The following CBLB variants were observed in gnomAD, a reference collection of about 807,000 sequenced individuals.
The protein encoded by CBLB is Cbl proto-oncogene B, also known as E3 ubiquitin-protein ligase CBL-B.
A neutral mutation model predicts 104.9 loss-of-function variants in CBLB; 31 were observed. That is an observed-to-expected ratio of 0.30 (90% confidence interval 0.22 to 0.40). The LOEUF (loss-of-function observed/expected upper bound fraction) is 0.40. CBLB is among the 10% of genes least tolerant of loss of function. The pLI, the probability that CBLB is intolerant of heterozygous loss-of-function variation, is 1.00. For synonymous variants in CBLB, 440 were observed against 422.6 expected, an observed-to-expected ratio of 1.04 and a Z score of -0.51; for missense variants, 1,062 against 1,214.6, an observed-to-expected ratio of 0.87 and a Z score of 1.87.
chr3:105,813,614 A>G (rs2084606236), intron 3 of CBLB, among the ~76,000 whole-genome samples: 1 of 152,262 alleles, frequency 6.6e-6, no homozygotes, highest in East Asian at 1.9e-4. Flanking sequence ...AAGTCTTTAA[A>G]GGTTTGTAAG....
chr3:105,833,475 T>C (rs1026022335), intron 3 of CBLB, among the ~76,000 whole-genome samples: 4 of 152,154 alleles, frequency 2.6e-5, no homozygotes, highest in African/African-American at 9.7e-5. Flanking sequence ...CTAGGAACTT[T>C]TACTTTTTTT....
At chr3:105,836,583 G>C (rs115889109) in intron 3 of CBLB, among the ~76,000 whole-genome samples, 1 of 152,124 alleles carries the variant, frequency 6.6e-6, no homozygotes, top group African/African-American at 2.4e-5. Context: ...AAATATTTAC[G>C]GGCAAGTTTC....
chr3:105,745,622 T>C (rs1299899403), intron 6 of CBLB, among the ~76,000 whole-genome samples: 1 of 152,224 alleles, frequency 6.6e-6, no homozygotes, highest in Non-Finnish European at 1.5e-5. Context: ...ATTTGTTCTT[T>C]AGCACAGTAT....
chr3:105,841,915 T>C (rs2089605901), intron 3 of CBLB, among the ~76,000 whole-genome samples: 1 of 152,178 alleles, frequency 6.6e-6, no homozygotes, highest in African/African-American at 2.4e-5. Context: ...CCACATTTTT[T>C]CATGTCTTGC....
At chr3:105,851,132 A>C (rs1302794641) in intron 3 of CBLB, among the ~76,000 whole-genome samples, 1 of 152,192 alleles carries the variant, frequency 6.6e-6, no homozygotes, top group African/African-American at 2.4e-5. Context: ...AGCAACCGAG[A>C]TGTACTTCAA....
chr3:105,810,409 TTTTTA>T (rs1290666873), intron 3 of CBLB, among the ~76,000 whole-genome samples: 1 of 152,154 alleles, frequency 6.6e-6, no homozygotes, highest in Non-Finnish European at 1.5e-5. Flanking sequence ...TTAATATTTA[TTTTTA>T]TTTTAAATTC....
In CBLB at chr3:105,844,030, T is replaced by C. The variant is rs141842911; in HGVS notation, c.419+9384A>G. Among the ~76,000 whole-genome samples, 250 of 152,240 alleles carry C rather than the reference T, an allele frequency of 1.6e-3. 1 individual carries two copies. The highest frequency in any genetic ancestry group is 4.7e-3 in the African/African-American group (194 of 41,566). Reference sequence around the variant, plus strand: ...TGAAGTCAAGATGGGGTCACAAGGGTAGGCTCTGATCCAAAATCACTGGTG... The same window carrying C: ...TGAAGTCAAGATGGGGTCACAAGGGCAGGCTCTGATCCAAAATCACTGGTG... On this transcript the variant is annotated intron_variant, in intron 3 of 18. Transcript: ENST00000394030.
At chr3:105,686,522 T>C (rs961801269) in intron 13 of CBLB, among the ~76,000 whole-genome samples, 5 of 152,122 alleles carry the variant, frequency 3.3e-5, no homozygotes, top group African/African-American at 9.6e-5. Flanking sequence ...CAAGAGGCCT[T>C]TGGTATATTA....
intron 2 of CBLB, among the ~76,000 whole-genome samples, chr3:105,853,870 A>C (rs1209216721): frequency 6.6e-6 from 1 of 152,172 alleles, no homozygotes; most frequent in Non-Finnish European, 1.5e-5. Flanking sequence ...AATCTTTTCT[A>C]TATCATATCC....
chr3:105,742,581 TATG>T (rs550696814), intron 6 of CBLB, among the ~76,000 whole-genome samples: 62 of 152,186 alleles, frequency 4.1e-4, no homozygotes, highest in Middle Eastern at 3.4e-3. Context: ...GACCTACGGC[TATG>T]ATATTATGAG....
chr3:105,866,019 A>G (rs573979424), intron 2 of CBLB, among the ~76,000 whole-genome samples: 1 of 152,320 alleles, frequency 6.6e-6, no homozygotes, highest in Admixed American at 6.5e-5. Flanking sequence ...TGCTAAAATC[A>G]AAACTGAACC....
At chr3:105,696,455 A>ATTTT (rs1458998392) in intron 12 of CBLB, among the ~76,000 whole-genome samples, 1 of 151,896 alleles carries the variant, frequency 6.6e-6, no homozygotes, top group African/African-American at 2.4e-5. Flanking sequence ...GGGGGCTAAA[A>ATTTT]ATAAATACTT....
At position 105,670,215 on chromosome 3, in the gene CBLB, T is replaced by C. The variant is rs1187471085; in HGVS notation, c.2689+18A>G. On this transcript the variant is annotated intron_variant, in intron 18 of 18. Transcript: ENST00000394030. ...TATAACAATAAGGTATTATTGTTACTGTTACTAGCCAACTCACCTGAACAT... is the reference window on the plus strand; with the variant it reads ...TATAACAATAAGGTATTATTGTTACCGTTACTAGCCAACTCACCTGAACAT... 1.2e-6 allele frequency: 2 copies of C among 1,610,496 alleles called. No individual in the cohort carries two copies. Among genetic ancestry groups the C allele is most frequent in the Non-Finnish European group, 1.7e-6 (2 of 1,176,860 alleles).
intron 4 of CBLB, among the ~76,000 whole-genome samples, chr3:105,770,634 G>A (rs2078763834): frequency 6.6e-6 from 1 of 152,194 alleles, no homozygotes; most frequent in South Asian, 2.1e-4. Flanking sequence ...TGGGAAGTGT[G>A]CTGCAGACAG....
chr3:105,702,476 GAAAAAAA>G lies in CBLB; in HGVS notation c.1594-24_1594-18del, dbSNP rs34208930. 1.6e-4 allele frequency: 46 copies of G among 279,612 alleles called. No homozygotes were observed. The highest frequency in any genetic ancestry group is 5.9e-4 in the African/African-American group (12 of 20,368). The allele number at this position is 279,612 out of a possible 1,614,324, so 17.3% of individuals were successfully genotyped here. A position where few individuals can be genotyped will look rare whatever the true frequency, so the allele number is the denominator to read the frequency against. On this transcript the variant is annotated intron_variant, in intron 11 of 18. Transcript: ENST00000394030. Reference sequence around the variant, plus strand: ...AGGAGAAGACTAAAGAAACAGAAGAGAAAAAAAAAAAAAAAAAAAAAAACTAAAGGTT... The same window carrying G: ...AGGAGAAGACTAAAGAAACAGAAGAGAAAAAAAAAAAAAAAACTAAAGGTT...
rs574751948 is a variant in CBLB at position 105,793,453 on chromosome 3, C to T, written c.420-16911G>A. ...GTTCCTTCCATAAACCTCTGGTTTC[C>T]AGATGCTTTAAGAGATGCTAAAATG... is the stretch of plus-strand genomic sequence containing the variant. On this transcript the variant is annotated intron_variant, in intron 3 of 18. Coordinates refer to ENST00000394030, the MANE Select transcript of CBLB (RefSeq NM_170662.5). Among the ~76,000 whole-genome samples the T allele has an allele frequency of 9.7e-4, 137 of 141,684 alleles. 1 individual carries two copies. Among genetic ancestry groups the T allele is most frequent in the African/African-American group, 3.6e-3 (136 of 37,608 alleles). 93.0% of individuals were successfully genotyped at this position (141,684 alleles called of 152,430 possible).
intron 10 of CBLB, among the ~76,000 whole-genome samples, chr3:105,718,640 C>T (rs1367842660): frequency 2.6e-5 from 4 of 152,164 alleles, no homozygotes; most frequent in African/African-American, 7.2e-5. Context: ...AGGTTTCATG[C>T]TACCTGCCAA....
At chr3:105,795,800 G>A (rs2082192606) in intron 3 of CBLB, among the ~76,000 whole-genome samples, 1 of 152,114 alleles carries the variant, frequency 6.6e-6, no homozygotes, top group Non-Finnish European at 1.5e-5. Context: ...CTGGAGTGCA[G>A]TGGCGCCATC....
chr3:105,845,710 C>G (rs2090161087), intron 3 of CBLB, among the ~76,000 whole-genome samples: 1 of 152,090 alleles, frequency 6.6e-6, no homozygotes, highest in African/African-American at 2.4e-5. Context: ...CCTCCCCTAA[C>G]AGACTCCCTT....
Sources: allele counts gnomAD v4.1 joint callset (sites outside exome capture counted in the v4.1 genomes callset), GRCh38; gene constraint gnomAD v4.1.1; transcripts MANE v1.5; gene names NCBI Gene and HGNC (gene_info 2026-07-23, HGNC 2026-07-21).